The following APOL4 variants were observed in gnomAD, a reference collection of about 807,000 sequenced individuals.
APOL4 encodes apolipoprotein L4, also known as apolipoprotein L, 4.
A neutral mutation model predicts 12.1 loss-of-function variants in APOL4; 14 were observed. The ratio of observed to expected loss-of-function variants is 1.16; its 90% CI spans 0.76 to 1.81. The LOEUF is 1.81. Ranked by LOEUF, APOL4 falls within the 40% of genes most tolerant of loss-of-function variation. APOL4 has a pLI of 0.00. For synonymous variants in APOL4, 171 were observed against 160.6 expected (o/e 1.06, Z -0.49); for missense variants, 432 against 423.1 (o/e 1.02, Z -0.18).
At chr22:36,201,460 A>AG in intron 1 of APOL4, 1 of 880,156 alleles carries the variant, frequency 1.1e-6, no homozygotes, top group Non-Finnish European at 1.6e-6. Context: ...CAAGGGTAAA[A>AG]GGGGGACCCA....
chr22:36,204,081 C>A (rs529514110), upstream of APOL4, among the ~76,000 whole-genome samples: 3 of 152,292 alleles, frequency 2.0e-5, no homozygotes, highest in African/African-American at 7.2e-5. Context: ...CCTCCCAGGG[C>A]CTCAGTTTCC....
In APOL4 at chr22:36,195,327, C is replaced by T. The variant is rs940152467; in HGVS notation, c.193G>A (p.Val65Met). The T allele has an allele frequency of 2.5e-6, 4 of 1,613,864 alleles. No individual in the cohort carries two copies. The highest frequency in any genetic ancestry group is 2.7e-5 in the African/African-American group (2 of 74,912). The change falls in exon 3 of 4, where the codon GTG (valine) becomes ATG (methionine). Residue 65 changes from valine (V) to methionine (M), a missense_variant. By Grantham distance (21) the Val-to-Met change is conservative (BLOSUM62 1). Transcript: ENST00000683024. ...SDEAWKRFVRVAELPREEADA... is the reference protein window; with the variant it reads ...SDEAWKRFVRMAELPREEADA... ...GGAGGTTACCTGGGCAATTCAGCCA[C>T]ACGCACAAATCTCTTCCAGGCTTCA...
chr22:36,196,428 A>C (rs1247493610), intron 2 of APOL4, among the ~76,000 whole-genome samples: 1 of 152,136 alleles, frequency 6.6e-6, no homozygotes, highest in Admixed American at 6.5e-5. Context: ...ATCACTGACC[A>C]CTCCCAGCAG....
chr22:36,192,294 C>T (rs151160440), intron 3 of APOL4, among the ~76,000 whole-genome samples: 4,408 of 151,852 alleles, frequency 0.029, 192 homozygotes, highest in African/African-American at 0.1. Flanking sequence ...GAGCCGAGAT[C>T]GCGCCACTGC....
chr22:36,197,604 A>T, intron 2 of APOL4: 1 of 1,498,710 alleles, frequency 6.7e-7, no homozygotes, highest in South Asian at 1.3e-5. Context: ...ACTGCAAGCT[A>T]TGAATCTGAA....
At chr22:36,194,421 C>A (rs886346748) in intron 3 of APOL4, among the ~76,000 whole-genome samples, 1 of 152,194 alleles carries the variant, frequency 6.6e-6, no homozygotes, top group East Asian at 1.9e-4. Flanking sequence ...ACCCTCCTCC[C>A]AGCCTTGATG....
intron 3 of APOL4, among the ~76,000 whole-genome samples, chr22:36,194,267 G>A (rs933659160): frequency 1.2e-4 from 19 of 152,150 alleles, no homozygotes; most frequent in African/African-American, 3.6e-4. Flanking sequence ...GCATGGTGTC[G>A]GGGAAACAGT....
chr22:36,195,622 C>A (rs1191455654), intron 2 of APOL4, among the ~76,000 whole-genome samples, 185 bp from the exon 3 acceptor site: 1 of 152,040 alleles, frequency 6.6e-6, no homozygotes, highest in East Asian at 1.9e-4. Context: ...GCTCTAAACC[C>A]CAGTGACCGT....
chr22:36,200,711 C>T (rs552057351), intron 1 of APOL4, among the ~76,000 whole-genome samples: 1 of 152,322 alleles, frequency 6.6e-6, no homozygotes, highest in East Asian at 1.9e-4. Context: ...ATGTTTTATA[C>T]CTAGAGCCAC....
At chr22:36,197,591 G>T in intron 2 of APOL4, 1 of 1,478,218 alleles carries the variant, frequency 6.8e-7, no homozygotes, top group Non-Finnish European at 9.0e-7. Context: ...AACCCCCCAT[G>T]AAACTGCAAG....
intron 2 of APOL4, among the ~76,000 whole-genome samples, 152 bp from the exon 3 acceptor site, chr22:36,195,589 GC>G (rs147826050): frequency 0.017 from 2,550 of 152,112 alleles, 80 homozygotes; most frequent in African/African-American, 0.058. Context: ...TGAATTGTGT[GC>G]CCCCCAAATT....
intron 1 of APOL4, chr22:36,199,599 T>C (rs2014510058): frequency 1.3e-6 from 2 of 1,554,986 alleles, no homozygotes; most frequent in Non-Finnish European, 1.7e-6. Context: ...CAAGGAAAAG[T>C]CCGCTTGTCC....
At chr22:36,203,355 G>C (rs1015525368), upstream of APOL4, among the ~76,000 whole-genome samples, 13 of 152,180 alleles carry the variant, frequency 8.5e-5, no homozygotes, top group Non-Finnish European at 1.8e-4. Context: ...GGGATTTAGG[G>C]TCATTTGATT....
intron 2 of APOL4, among the ~76,000 whole-genome samples, chr22:36,197,150 C>A (rs1379901594): frequency 2.0e-5 from 3 of 152,170 alleles, no homozygotes; most frequent in Non-Finnish European, 4.4e-5. Context: ...CTTCCTTGGC[C>A]GCCCAGCCCA....
upstream of APOL4, among the ~76,000 whole-genome samples, chr22:36,203,267 A>C (rs1410461698): frequency 1.3e-5 from 2 of 152,154 alleles, no homozygotes; most frequent in Non-Finnish European, 2.9e-5. Flanking sequence ...CAGGGGGGTC[A>C]CCGCCTTCTG....
At position 36,191,189 on chromosome 22, in the gene APOL4, G is replaced by A; in HGVS notation, c.933C>T (p.Asp311=). 2 of 1,613,724 alleles carry A rather than the reference G, an allele frequency of 1.2e-6. No individual in the cohort carries two copies. The highest frequency in any genetic ancestry group is 2.2e-5 in the South Asian group (2 of 90,998). Residue 311 remains aspartate, a synonymous_variant, in exon 4 of 4, where the codon GAC becomes GAT. Transcript: ENST00000683024. ...DVVNLVQDSL[D]LHKGAKSESA... The stretch of plus-strand genomic sequence containing the variant: ...ACTCGGATTTTGCCCCCTTGTGCAA[G>A]TCCAGTGAGTCTTGCACAAGGTTGA...
chr22:36,199,588 C>T, intron 1 of APOL4: 1 of 1,558,232 alleles, frequency 6.4e-7, no homozygotes, highest in Non-Finnish European at 8.7e-7. Context: ...CACTCTCACA[C>T]CAAGGAAAAG....
Position 36,199,606 on chromosome 22 carries a change from G to C in APOL4, c.36-230C>G, listed in dbSNP as rs1406882904. The C allele has an allele frequency of 1.9e-6, 3 of 1,553,910 alleles. No individual in the cohort carries two copies. In the South Asian group the frequency reaches 3.6e-5, roughly 18 times the overall value. Reference sequence around the variant, plus strand: ...TCTCACACCAAGGAAAAGTCCGCTTGTCCTGTTGGAGAATGAGGAGAAGAT... The same window carrying C: ...TCTCACACCAAGGAAAAGTCCGCTTCTCCTGTTGGAGAATGAGGAGAAGAT... On this transcript the variant is annotated intron_variant, in intron 1 of 3. Coordinates refer to ENST00000683024, the MANE Select transcript of APOL4 (RefSeq NM_001386885.1).
At chr22:36,194,827 C>T (rs952091897) in intron 3 of APOL4, among the ~76,000 whole-genome samples, 1 of 152,158 alleles carries the variant, frequency 6.6e-6, no homozygotes, top group Non-Finnish European at 1.5e-5. Flanking sequence ...ACACATTGAT[C>T]AGGTCAAGAT....
Sources: allele counts gnomAD v4.1 joint callset (sites outside exome capture counted in the v4.1 genomes callset), GRCh38; gene constraint gnomAD v4.1.1; transcripts MANE v1.5; gene names NCBI Gene and HGNC (gene_info 2026-07-23, HGNC 2026-07-21).